Variants in ATIC observed in about 807,000 individuals in gnomAD.
ATIC encodes bifunctional purine biosynthesis protein ATIC.
ATIC carries 64 observed loss-of-function variants against 72.5 expected under a neutral mutation model. That is an observed-to-expected ratio of 0.88 (90% CI 0.72 to 1.09). ATIC has a LOEUF of 1.09. Among genes scored for constraint, ATIC ranks in the 50% least tolerant of loss-of-function variants. ATIC has a pLI of 0.00. For missense variants in ATIC, 787 were observed against 732.4 expected (o/e 1.07, Z -0.86); for synonymous variants, 281 against 267.1 (o/e 1.05, Z -0.51).
At chr2:215,329,834 C>T (rs1335952557) in intron 7 of ATIC, among the ~76,000 whole-genome samples, 1 of 152,102 alleles carries the variant, frequency 6.6e-6, no homozygotes, top group Non-Finnish European at 1.5e-5. Context: ...ATGATCTCGG[C>T]TCACCACAAC....
At chr2:215,362,248 A>G in the ATIC span, 1 of 648,680 alleles carries the variant, frequency 1.5e-6, no homozygotes, top group Admixed American at 2.2e-5. Flanking sequence ...AACTCTTAAT[A>G]CATTTTGGCT....
At chr2:215,352,050 C>G (rs2053134522), downstream of ATIC, among the ~76,000 whole-genome samples, 1 of 152,162 alleles carries the variant, frequency 6.6e-6, no homozygotes, top group Non-Finnish European at 1.5e-5. Flanking sequence ...GCATGAGAAA[C>G]TTTCATGCCT....
rs566961849 is a variant in ATIC, at chr2:215,349,350, C to A, written c.1659+101C>A. Reference sequence around the variant, plus strand: ...TTTTAAAAGGTGTGGCAAAGTGATACAGATCAGTAATATTCAGAGAACCAT... The same window carrying A: ...TTTTAAAAGGTGTGGCAAAGTGATAAAGATCAGTAATATTCAGAGAACCAT... On this transcript the variant is annotated intron_variant, in intron 15 of 15. Transcript: ENST00000236959. The A allele has an allele frequency of 7.0e-6, 11 of 1,581,788 alleles. No homozygotes were observed. In the Admixed American group the frequency reaches 1.3e-4, roughly 19 times the overall value.
chr2:215,319,445 A>G (rs2052743856), intron 3 of ATIC, among the ~76,000 whole-genome samples: 1 of 152,028 alleles, frequency 6.6e-6, no homozygotes, highest in Non-Finnish European at 1.5e-5. Flanking sequence ...TGGGAGGCTG[A>G]GGTAGGAGGA....
chr2:215,368,368 G>T, the ATIC span, among the ~76,000 whole-genome samples: 1 of 152,174 alleles, frequency 6.6e-6, no homozygotes, highest in African/African-American at 2.4e-5. Context: ...GACTAATGAT[G>T]CCTCTCCATT....
At position 215,326,039 on chromosome 2, in the gene ATIC, G is replaced by A; in HGVS notation, c.432G>A (p.Val144=). The A allele has an allele frequency of 6.2e-7, 1 of 1,614,168 alleles. No homozygotes were observed. Among genetic ancestry groups the A allele is most frequent in the South Asian group, 1.1e-5 (1 of 91,076 alleles). The change falls in exon 6 of 16, where the codon GTG becomes GTA. Residue 144 remains valine, a synonymous_variant. Coordinates refer to ENST00000236959, the MANE Select transcript of ATIC (RefSeq NM_004044.7). ...CCAAAAACCACGCTCGAGTGACAGT[G>A]GTGTGTGAACCAGAGGACTATGTGG... is the stretch of plus-strand genomic sequence containing the variant. The part of the protein sequence containing the change: ...AAAKNHARVT[V]VCEPEDYVVV...
At chr2:215,330,097 A>C (rs994494285) in intron 7 of ATIC, among the ~76,000 whole-genome samples, 3 of 152,152 alleles carry the variant, frequency 2.0e-5, no homozygotes, top group African/African-American at 7.2e-5. Flanking sequence ...TCAGAAACCA[A>C]AAGTTTTCTC....
chr2:215,366,320 T>A, the ATIC span, among the ~76,000 whole-genome samples: 2 of 152,096 alleles, frequency 1.3e-5, no homozygotes. Flanking sequence ...TAGGAATAGA[T>A]CCTAGATGAA....
the ATIC span, chr2:215,365,763 C>A: frequency 3.2e-6 from 2 of 624,484 alleles, no homozygotes; most frequent in Admixed American, 6.2e-5. Flanking sequence ...AAGATAAAAA[C>A]CCCTATAATG....
At chr2:215,366,454 C>T in the ATIC span, among the ~76,000 whole-genome samples, 1 of 152,088 alleles carries the variant, frequency 6.6e-6, no homozygotes, top group Non-Finnish European at 1.5e-5. Flanking sequence ...AAAAAATGAA[C>T]CCGGATAAAA....
the ATIC span, among the ~76,000 whole-genome samples, chr2:215,355,493 GC>G: frequency 1.9e-4 from 29 of 152,230 alleles, no homozygotes; most frequent in African/African-American, 6.5e-4. Flanking sequence ...CCGTTGCCTT[GC>G]CCTTTGACAC....
At chr2:215,362,850 C>T in the ATIC span, 2 of 152,550 alleles carry the variant, frequency 1.3e-5, no homozygotes, top group African/African-American at 4.8e-5. Context: ...GCAGAGACCC[C>T]GCTGAAGCAC....
chr2:215,313,600 A>G (rs891354913), intron 2 of ATIC, among the ~76,000 whole-genome samples: 1 of 152,162 alleles, frequency 6.6e-6, no homozygotes, highest in African/African-American at 2.4e-5. Context: ...AATGAAAGAG[A>G]TGAAGGATAT....
chr2:215,327,413 G>A (rs77996331), intron 7 of ATIC, among the ~76,000 whole-genome samples: 4,959 of 152,274 alleles, frequency 0.033, 65 homozygotes, highest in Middle Eastern at 0.051. Flanking sequence ...GTAAGAAGCC[G>A]TTGCCTTGGA....
chr2:215,355,705 T>G, the ATIC span, among the ~76,000 whole-genome samples: 2 of 152,226 alleles, frequency 1.3e-5, no homozygotes, highest in African/African-American at 2.4e-5. Context: ...TGCATGAAAC[T>G]TTTACCATTT....
At chr2:215,365,806 ATT>A in the ATIC span, 93,373 of 250,646 alleles carry the variant, frequency 0.37, 17,303 homozygotes, top group South Asian at 0.54. Flanking sequence ...TTTACTTTTT[ATT>A]TTTTTTTTTT....
At chr2:215,362,058 G>C in the ATIC span, 1 of 1,614,046 alleles carries the variant, frequency 6.2e-7, no homozygotes, top group East Asian at 2.2e-5. Context: ...CCAGGTCTGC[G>C]GCAGTTGTCA....
chr2:215,335,959 A>G, intron 10 of ATIC, 76 bp from the exon 11 acceptor site: 1 of 1,160,322 alleles, frequency 8.6e-7, no homozygotes, highest in Non-Finnish European at 1.3e-6. Flanking sequence ...TTTAAGACTG[A>G]TAATTGCTGC....
At chr2:215,350,343 C>A (rs2053120879), downstream of ATIC, among the ~76,000 whole-genome samples, 1 of 152,178 alleles carries the variant, frequency 6.6e-6, no homozygotes, top group Non-Finnish European at 1.5e-5. Context: ...CCATGTTGGT[C>A]AGGCTGGTCT....
Sources: allele counts gnomAD v4.1 joint callset (sites outside exome capture counted in the v4.1 genomes callset), GRCh38; gene constraint gnomAD v4.1.1; transcripts MANE v1.5; gene names NCBI Gene and HGNC (gene_info 2026-07-23, HGNC 2026-07-21).